Variants in PEPD observed in about 807,000 individuals in gnomAD.
The protein encoded by PEPD is peptidase D.
Under a neutral mutation model 60.7 loss-of-function variants are expected in PEPD, and 53 were observed. The ratio of observed to expected loss-of-function variants is 0.87; its 90% CI spans 0.70 to 1.10. The LOEUF (loss-of-function observed/expected upper bound fraction) is 1.10. Among genes scored for constraint, PEPD ranks in the 50% least tolerant of loss-of-function variants. PEPD has a pLI of 0.00. For synonymous variants in PEPD, 267 were observed against 284.1 expected (o/e 0.94, Z 0.60); for missense variants, 711 against 711.9 (o/e 1.00, Z 0.01).
At chr19:33,493,452 A>G (rs1340297043) in intron 4 of PEPD, 115 bp from the exon 5 acceptor site, 1 of 799,444 alleles carries the variant, frequency 1.3e-6, no homozygotes, top group Non-Finnish European at 2.2e-6. Flanking sequence ...TCATTAGAAC[A>G]GGCGACGTGG....
chr19:33,457,899 C>G lies in PEPD; in HGVS notation c.671+5096G>C, dbSNP rs60143589. On this transcript the variant is annotated intron_variant, in intron 9 of 14. Transcript: ENST00000244137. ...TCTGTCCTGTTTAACAAGAATGCAG[C>G]AAGGATTTTGCAACCTGCTCCCAGG... Among the ~76,000 whole-genome samples the G allele has an allele frequency of 8.2e-3, 1,255 of 152,242 alleles. 17 individuals are homozygous for G. The highest frequency in any genetic ancestry group is 0.029 in the African/African-American group (1,192 of 41,534).
At chr19:33,430,221 G>A (rs545795620) in intron 9 of PEPD, among the ~76,000 whole-genome samples, 1 of 152,348 alleles carries the variant, frequency 6.6e-6, no homozygotes, top group East Asian at 1.9e-4. Context: ...CCCCAGCCGT[G>A]AAGGGAGAAC....
At chr19:33,388,643 G>A (rs995624022) in intron 13 of PEPD, 5 of 210,828 alleles carry the variant, frequency 2.4e-5, no homozygotes, top group Non-Finnish European at 4.9e-5. Context: ...GCCTTAGTGC[G>A]CCAGTGCAAA....
At chr19:33,462,965 A>G (rs1225184227) in intron 9 of PEPD, 30 bp downstream of exon 9, 1 of 1,483,052 alleles carries the variant, frequency 6.7e-7, no homozygotes, top group South Asian at 1.1e-5. Context: ...TTTACCTTTT[A>G]ATTTTACCCG....
chr19:33,463,018 TC>T lies in PEPD; in HGVS notation c.647del (p.Gly216GlufsTer2). 1 of 1,600,594 alleles carries T rather than the reference TC, an allele frequency of 6.2e-7. No individual in the cohort carries two copies. The highest frequency in any genetic ancestry group is 8.6e-7 in the Non-Finnish European group (1 of 1,167,646). On this transcript the variant is annotated frameshift_variant, in exon 9 of 15. Transcript: ENST00000244137. LOFTEE classifies it high-confidence loss of function. Reference sequence around the variant, plus strand: ...ACCTTTCCAACTCATATTCTTTCATTCCCACTTTTACAGCCTTCATTACCTG... The same window carrying T: ...ACCTTTCCAACTCATATTCTTTCATTCCACTTTTACAGCCTTCATTACCTG... ...HREVMKAVKV[G>X]MKEYELESLF...
intron 4 of PEPD, 31 bp from the exon 5 acceptor site, chr19:33,493,368 GAGGCACCACT>G: frequency 6.6e-7 from 1 of 1,512,586 alleles, no homozygotes; most frequent in Non-Finnish European, 9.2e-7. Context: ...ACCCACTTTA[GAGGCACCACT>G]AAGCCTAATG....
At chr19:33,503,302 G>A (rs924084627) in intron 3 of PEPD, among the ~76,000 whole-genome samples, 6 of 152,178 alleles carry the variant, frequency 3.9e-5, no homozygotes, top group African/African-American at 2.4e-5. Flanking sequence ...AGCCCACAAT[G>A]CCCTTTGCTT....
At chr19:33,504,040 C>T (rs571632572) in intron 3 of PEPD, among the ~76,000 whole-genome samples, 2 of 152,300 alleles carry the variant, frequency 1.3e-5, no homozygotes, top group South Asian at 2.1e-4. Flanking sequence ...AAGAGCCATT[C>T]GACAGATACA....
chr19:33,406,975 G>T (rs1229606345), intron 11 of PEPD, among the ~76,000 whole-genome samples: 1 of 152,214 alleles, frequency 6.6e-6, no homozygotes, highest in Non-Finnish European at 1.5e-5. Flanking sequence ...AGGCCCAGCA[G>T]GGGTGAGGCC....
chr19:33,489,940 G>C (rs1970466102), intron 6 of PEPD, 56 bp downstream of exon 6: 1 of 979,206 alleles, frequency 1.0e-6, no homozygotes, highest in Admixed American at 1.9e-5. Context: ...AGACCTGCTA[G>C]TGAAGGTGGG....
chr19:33,467,802 A>C (rs1394845217), intron 7 of PEPD, among the ~76,000 whole-genome samples: 1 of 152,214 alleles, frequency 6.6e-6, no homozygotes. Context: ...CCAAGGGTAC[A>C]TATTGCTTTG....
At chr19:33,411,833 C>G (rs1968783923) in intron 10 of PEPD, 84 bp from the exon 11 acceptor site, 2 of 820,382 alleles carry the variant, frequency 2.4e-6, no homozygotes, top group South Asian at 2.9e-5. Flanking sequence ...GATCCCCTGC[C>G]CATGAGCAGC....
chr19:33,407,706 T>C (rs1415127746), intron 11 of PEPD, among the ~76,000 whole-genome samples: 1 of 152,098 alleles, frequency 6.6e-6, no homozygotes, highest in Non-Finnish European at 1.5e-5. Flanking sequence ...TCTGGTACAG[T>C]GACTTGGAGA....
chr19:33,477,977 A>G (rs368437163), intron 7 of PEPD, 69 bp downstream of exon 7: 3 of 1,053,664 alleles, frequency 2.8e-6, no homozygotes, highest in Non-Finnish European at 4.4e-6. Context: ...GTGGGCAGGA[A>G]CAACAGGGCA....
intron 12 of PEPD, among the ~76,000 whole-genome samples, chr19:33,396,848 C>T (rs943368277): frequency 2.0e-5 from 3 of 152,098 alleles, no homozygotes; most frequent in East Asian, 1.9e-4. Flanking sequence ...GGACTGAGCC[C>T]GCGGGACAGG....
intron 4 of PEPD, among the ~76,000 whole-genome samples, chr19:33,495,421 C>T (rs1970584164): frequency 6.6e-6 from 1 of 151,262 alleles, no homozygotes; most frequent in Non-Finnish European, 1.5e-5. Flanking sequence ...TCGCTTGAAC[C>T]CAGGAGGCGG....
At position 33,464,080 on chromosome 19, in the gene PEPD, C is replaced by T. The variant is rs766512843; in HGVS notation, c.549-18G>A. 2 of 1,594,698 alleles carry T rather than the reference C, an allele frequency of 1.3e-6. No homozygotes were observed. The highest frequency in any genetic ancestry group is 2.2e-5 in the South Asian group (2 of 90,320). ...ACACTCGGCTTCAGAGACAGAAGAA[C>T]AAAGCAGCAAATCAGTGACTTTCAG... On this transcript the variant is annotated intron_variant, in intron 7 of 14. Coordinates refer to ENST00000244137, the MANE Select transcript of PEPD (RefSeq NM_000285.4).
chr19:33,399,253 A>G (rs1235202774), intron 12 of PEPD, among the ~76,000 whole-genome samples: 1 of 152,136 alleles, frequency 6.6e-6, no homozygotes, highest in Non-Finnish European at 1.5e-5. Flanking sequence ...AAGTGCTGGG[A>G]TTATAAGTGT....
intron 11 of PEPD, among the ~76,000 whole-genome samples, chr19:33,406,297 G>A (rs1182049318): frequency 6.6e-6 from 1 of 152,232 alleles, no homozygotes; most frequent in Non-Finnish European, 1.5e-5. Context: ...GTGCAGCCAC[G>A]AAGCACAAAC....
Sources: allele counts gnomAD v4.1 joint callset (sites outside exome capture counted in the v4.1 genomes callset), GRCh38; gene constraint gnomAD v4.1.1; transcripts MANE v1.5; gene names NCBI Gene and HGNC (gene_info 2026-07-23, HGNC 2026-07-21).